Variants in TMEM132D observed in about 807,000 individuals in gnomAD.
TMEM132D encodes transmembrane protein 132D.
A neutral mutation model predicts 62.3 loss-of-function variants in TMEM132D; 21 were observed. That is an observed-to-expected ratio of 0.34 (90% confidence interval 0.24 to 0.49). The LOEUF (loss-of-function observed/expected upper bound fraction) is 0.49, where lower values mean the gene tolerates loss of function less well. Among genes scored for constraint, TMEM132D ranks in the 20% least tolerant of loss-of-function variants. The probability of loss-of-function intolerance (pLI) is 0.99; values close to 1 mark genes in which losing one functional copy is unlikely to be tolerated. For synonymous variants in TMEM132D, 621 were observed against 575.6 expected (o/e 1.08, Z -1.13); for missense variants, 1,346 against 1,402.8 (o/e 0.96, Z 0.65).
intron 3 of TMEM132D, among the ~76,000 whole-genome samples, chr12:129,490,013 T>G (rs1874716065): frequency 6.6e-6 from 1 of 152,178 alleles, no homozygotes; most frequent in Admixed American, 6.5e-5. Flanking sequence ...CCCCATGGAA[T>G]TAGGGTGAGG....
chr12:129,373,460 G>T lies in TMEM132D; in HGVS notation c.1116-35643C>A, dbSNP rs557074429. 1.2e-3 allele frequency among the ~76,000 whole-genome samples: 185 copies of T among 151,950 alleles called. 1 individual carries two copies. Among genetic ancestry groups the T allele is most frequent in the Non-Finnish European group, 1.9e-3 (129 of 67,944 alleles). ...ATCCTGGCTAACACAGTGAAACCCC[G>T]TCTCTACTAAAAATACAAAAAATTA... On this transcript the variant is annotated intron_variant, in intron 3 of 8. Coordinates refer to ENST00000422113, the MANE Select transcript of TMEM132D (RefSeq NM_133448.3).
chr12:129,763,657 G>C (rs1870455710), intron 1 of TMEM132D, among the ~76,000 whole-genome samples: 1 of 152,048 alleles, frequency 6.6e-6, no homozygotes, highest in Non-Finnish European at 1.5e-5. Flanking sequence ...TGAGACGTTT[G>C]ACTGCCCAGA....
At chr12:129,674,653 C>T (rs1880586077) in intron 2 of TMEM132D, among the ~76,000 whole-genome samples, 3 of 152,196 alleles carry the variant, frequency 2.0e-5, no homozygotes, top group Non-Finnish European at 1.5e-5. Context: ...AATTCTCCCG[C>T]CTCAGCCTCC....
intron 2 of TMEM132D, among the ~76,000 whole-genome samples, chr12:129,578,617 TCCTACA>T (rs1877752348): frequency 6.6e-6 from 1 of 152,132 alleles, no homozygotes; most frequent in East Asian, 1.9e-4. Flanking sequence ...GGCTGTTACA[TCCTACA>T]ATCTATACCA....
chr12:129,177,529 G>A (rs1016286077), intron 5 of TMEM132D, among the ~76,000 whole-genome samples: 2 of 152,174 alleles, frequency 1.3e-5, no homozygotes, highest in Non-Finnish European at 2.9e-5. Flanking sequence ...AGGCCAAGGT[G>A]GCAGGATCAC....
intron 1 of TMEM132D, among the ~76,000 whole-genome samples, chr12:129,850,171 CCTCT>C (rs1235216475): frequency 6.6e-6 from 1 of 152,176 alleles, no homozygotes; most frequent in African/African-American, 2.4e-5. Context: ...CTCTCTCTCT[CCTCT>C]CTGTCTCCTG....
intron 1 of TMEM132D, among the ~76,000 whole-genome samples, chr12:129,749,248 C>A (rs376914597): frequency 1.7e-3 from 262 of 152,258 alleles, no homozygotes; most frequent in African/African-American, 6.0e-3. Flanking sequence ...TCAGATAGAA[C>A]GTGGCAGAGC....
chr12:129,686,929 T>C (rs959704843), intron 2 of TMEM132D, among the ~76,000 whole-genome samples: 1 of 152,216 alleles, frequency 6.6e-6, no homozygotes, highest in Non-Finnish European at 1.5e-5. Context: ...TACACGCTTT[T>C]CGGGTTTTTC....
At chr12:129,125,424 C>T (rs962998723) in intron 5 of TMEM132D, among the ~76,000 whole-genome samples, 6 of 152,018 alleles carry the variant, frequency 3.9e-5, no homozygotes, top group Admixed American at 1.3e-4. Flanking sequence ...AAATTTCCAA[C>T]CCTGTGTAGA....
intron 3 of TMEM132D, among the ~76,000 whole-genome samples, chr12:129,415,798 G>A (rs1036860316): frequency 6.6e-6 from 1 of 152,200 alleles, no homozygotes; most frequent in African/African-American, 2.4e-5. Flanking sequence ...ACAGGGAAAT[G>A]CATTGATCAG....
rs145269744 is a variant in TMEM132D at position 129,323,616 on chromosome 12, G to A, written c.1299+14018C>T. On this transcript the variant is annotated intron_variant, in intron 4 of 8. Transcript: ENST00000422113. ...AATCCTTTTTGATGGGAAGTTCACA[G>A]GTTATAAAAAAAATACATTTCAAAG... is the stretch of plus-strand genomic sequence containing the variant. Among the ~76,000 whole-genome samples, 470 of 152,216 alleles carry A rather than the reference G, an allele frequency of 3.1e-3. 2 individuals are homozygous for A. Among genetic ancestry groups the A allele is most frequent in the African/African-American group, 0.011 (450 of 41,526 alleles).
At chr12:129,658,714 G>T (rs922060758) in intron 2 of TMEM132D, among the ~76,000 whole-genome samples, 2 of 152,148 alleles carry the variant, frequency 1.3e-5, no homozygotes, top group Non-Finnish European at 2.9e-5. Flanking sequence ...AAGCCTGCAG[G>T]TTACTTGGTG....
intron 5 of TMEM132D, among the ~76,000 whole-genome samples, chr12:129,149,230 G>A (rs1398245097): frequency 1.3e-5 from 2 of 151,978 alleles, no homozygotes; most frequent in African/African-American, 4.8e-5. Context: ...CCTGTTGGGG[G>A]GTGGGGGGCA....
At chr12:129,609,715 C>T (rs1235776273) in intron 2 of TMEM132D, among the ~76,000 whole-genome samples, 1 of 152,186 alleles carries the variant, frequency 6.6e-6, no homozygotes, top group African/African-American at 2.4e-5. Context: ...AGGTCGGGCC[C>T]CTCTTCCCCA....
At chr12:129,254,931 C>T (rs982522606) in intron 4 of TMEM132D, among the ~76,000 whole-genome samples, 6 of 152,172 alleles carry the variant, frequency 3.9e-5, no homozygotes, top group African/African-American at 1.4e-4. Flanking sequence ...AAGTTGTAAT[C>T]CCCAGAGTTG....
At chr12:129,870,961 G>A (rs571045609) in intron 1 of TMEM132D, among the ~76,000 whole-genome samples, 2 of 152,194 alleles carry the variant, frequency 1.3e-5, no homozygotes, top group African/African-American at 4.8e-5. Flanking sequence ...ATTGGTATCA[G>A]AGCTGACATT....
chr12:129,204,863 G>T (rs1206268146), intron 5 of TMEM132D, among the ~76,000 whole-genome samples: 1 of 152,160 alleles, frequency 6.6e-6, no homozygotes, highest in African/African-American at 2.4e-5. Flanking sequence ...AGAGATTGAG[G>T]TCCTATATTC....
intron 4 of TMEM132D, among the ~76,000 whole-genome samples, chr12:129,298,456 G>A (rs1881629374): frequency 6.6e-6 from 1 of 151,958 alleles, no homozygotes. Context: ...TCATTTCTTT[G>A]TGGTCAAAAC....
rs78235749 is a variant in TMEM132D, at chr12:129,596,381, C to G, written c.969-65176G>C. Among the ~76,000 whole-genome samples the G allele has an allele frequency of 7.9e-3, 1,194 of 152,072 alleles. 54 individuals are homozygous for G. In the East Asian group the frequency reaches 0.097, roughly 12 times the overall value. On this transcript the variant is annotated intron_variant, in intron 2 of 8. Coordinates refer to ENST00000422113, the MANE Select transcript of TMEM132D (RefSeq NM_133448.3). ...TATTGTGTGTGTCTATGTGTGTATA[C>G]ATATACATGAATATACATGTATACT...
Sources: gnomAD v4.1 joint callset for allele counts (sites outside exome capture counted in the v4.1 genomes callset) on GRCh38, gnomAD v4.1.1 for gene constraint, MANE v1.5 for transcripts, NCBI Gene and HGNC (gene_info 2026-07-23, HGNC 2026-07-21) for gene names.